SLC2A7: variants seen among roughly 807,000 people sequenced by gnomAD.
SLC2A7 encodes the protein solute carrier family 2, facilitated glucose transporter member 7.
Under a neutral mutation model 50.5 loss-of-function variants are expected in SLC2A7, and 50 were observed. That is an observed-to-expected ratio of 0.99 (90% CI 0.79 to 1.25). SLC2A7 has a LOEUF of 1.25. Ranked by LOEUF, SLC2A7 falls within the 50% of genes most tolerant of loss-of-function variation. SLC2A7 has a pLI of 0.00. For synonymous variants in SLC2A7, 308 were observed against 300.4 expected (o/e 1.03, Z -0.26); for missense variants, 683 against 679.1 (o/e 1.01, Z -0.06).
intron 3 of SLC2A7, among the ~76,000 whole-genome samples, chr1:9,020,567 C>T (rs1041586839): frequency 2.0e-5 from 3 of 150,414 alleles, no homozygotes; most frequent in Non-Finnish European, 3.0e-5. Context: ...CCCACCCCCC[C>T]GCCTTTGGCT....
chr1:9,018,005 A>T (rs1004253356), intron 5 of SLC2A7, among the ~76,000 whole-genome samples: 9 of 151,714 alleles, frequency 5.9e-5, no homozygotes, highest in Non-Finnish European at 1.2e-4. Context: ...CAGAACCCCT[A>T]CCTGCCTCAG....
intron 3 of SLC2A7, among the ~76,000 whole-genome samples, chr1:9,019,940 A>G (rs1293059420): frequency 3.9e-5 from 6 of 152,186 alleles, no homozygotes; most frequent in Admixed American, 2.6e-4. Context: ...AAGAAAAAGA[A>G]AAAGAAAAAA....
At chr1:8,995,317 G>C in the SLC2A7 span, among the ~76,000 whole-genome samples, 689 of 150,546 alleles carry the variant, frequency 4.6e-3, 10 homozygotes, top group African/African-American at 0.016. Flanking sequence ...GCATGGTGGC[G>C]GGCGCCTGTA....
rs1640857674 is a variant in SLC2A7 at position 9,018,168 on chromosome 1, T to C, written c.589+55A>G. On this transcript the variant is annotated intron_variant, in intron 5 of 11. Coordinates refer to ENST00000400906, the MANE Select transcript of SLC2A7 (RefSeq NM_207420.3). ...TCTGACTCGATCCGTCAGTAACACCTGGCACAGCCGAACGAGAGACTGGAC... is the reference window on the plus strand; with the variant it reads ...TCTGACTCGATCCGTCAGTAACACCCGGCACAGCCGAACGAGAGACTGGAC... The C allele has an allele frequency of 8.7e-6, 14 of 1,608,592 alleles. No homozygotes were observed. In the South Asian group the frequency reaches 1.5e-4, roughly 18 times the overall value.
chr1:9,017,783 T>C (rs941491145), intron 5 of SLC2A7, among the ~76,000 whole-genome samples: 1 of 152,180 alleles, frequency 6.6e-6, no homozygotes, highest in Admixed American at 6.5e-5. Context: ...GCAATGGCCT[T>C]GCCTCCTAAT....
At position 9,025,151 on chromosome 1, in the gene SLC2A7, C is replaced by T. The variant is rs915441075; in HGVS notation, c.52-77G>A. 19 of 1,447,926 alleles carry T rather than the reference C, an allele frequency of 1.3e-5. No individual in the cohort carries two copies. The Admixed American group carries it at 3.0e-4, about 22-fold the overall frequency. The allele number at this position is 1,447,926 out of a possible 1,614,324, so 89.7% of individuals were successfully genotyped here. On this transcript the variant is annotated intron_variant, in intron 1 of 11. Coordinates refer to ENST00000400906, the MANE Select transcript of SLC2A7 (RefSeq NM_207420.3). Reference sequence around the variant, plus strand: ...GTGGAGTGGCTGGGCCTCCACCTCCCTCCAGCCTGGGCTGGAAGTGGGGGA... The same window carrying T: ...GTGGAGTGGCTGGGCCTCCACCTCCTTCCAGCCTGGGCTGGAAGTGGGGGA...
chr1:9,007,674 T>C (rs902822865), intron 9 of SLC2A7, among the ~76,000 whole-genome samples: 4 of 152,060 alleles, frequency 2.6e-5, no homozygotes, highest in African/African-American at 9.7e-5. Context: ...ACTTTACAAA[T>C]CACAAATATT....
rs551177989 is a variant in SLC2A7, at chr1:9,003,208, G to A, written c.*92C>T. ...AATGGGGGCAACGACAAAAGCCTCC[G>A]TGCTATTATCCTCCCCAGAGCCTGG... On this transcript the variant is annotated 3_prime_UTR_variant, in exon 12 of 12. Coordinates refer to ENST00000400906, the MANE Select transcript of SLC2A7 (RefSeq NM_207420.3). 18 of 1,156,518 alleles carry A rather than the reference G, an allele frequency of 1.6e-5. No individual in the cohort carries two copies. The highest frequency in any genetic ancestry group is 4.7e-5 in the African/African-American group (3 of 63,660). The allele number at this position is 1,156,518 out of a possible 1,614,324, so 71.6% of individuals were successfully genotyped here. A position where few individuals can be genotyped will look rare whatever the true frequency, so the allele number is the denominator to read the frequency against.
the SLC2A7 span, among the ~76,000 whole-genome samples, chr1:8,994,343 A>G: frequency 1.3e-5 from 2 of 152,204 alleles, no homozygotes; most frequent in East Asian, 1.9e-4. Context: ...GTGTAAGCCA[A>G]GCAAAGTTCA....
intron 8 of SLC2A7, among the ~76,000 whole-genome samples, chr1:9,012,564 G>C (rs779591889): frequency 5.3e-5 from 8 of 152,116 alleles, no homozygotes; most frequent in Non-Finnish European, 1.2e-4. Context: ...AGAGTTTACT[G>C]GAACTTAAAC....
chr1:9,019,471 G>A (rs1259282681), intron 3 of SLC2A7, 138 bp from the exon 4 acceptor site: 2 of 1,252,332 alleles, frequency 1.6e-6, no homozygotes, highest in Middle Eastern at 2.8e-4. Flanking sequence ...AGGGGGCCGT[G>A]GACTGAATGG....
intron 8 of SLC2A7, among the ~76,000 whole-genome samples, chr1:9,011,970 G>A (rs150071319): frequency 2.6e-5 from 4 of 151,788 alleles, no homozygotes; most frequent in East Asian, 3.9e-4. Context: ...GGCTGGTCTC[G>A]AACTCCTGAC....
At position 9,008,536 on chromosome 1, in the gene SLC2A7, C is replaced by T. The variant is rs374437274; in HGVS notation, c.1117-1151G>A. ...CACTGGCGGTGGTCTCTGCAGGTGG[C>T]GCTCAGTCGTGCTCACCTCTTTTCA... is the stretch of plus-strand genomic sequence containing the variant. On this transcript the variant is annotated intron_variant, in intron 9 of 11. Coordinates refer to ENST00000400906, the MANE Select transcript of SLC2A7 (RefSeq NM_207420.3). The surrounding 1 kb of genome is among the most constrained non-coding windows in gnomAD (Gnocchi z 5.9). Among the ~76,000 whole-genome samples the T allele has an allele frequency of 4.0e-5, 6 of 151,734 alleles. No individual in the cohort carries two copies. Among genetic ancestry groups the T allele is most frequent in the South Asian group, 4.1e-4 (2 of 4,824 alleles).
chr1:9,022,053 T>C (rs990478612), intron 3 of SLC2A7, among the ~76,000 whole-genome samples: 3 of 152,262 alleles, frequency 2.0e-5, no homozygotes, highest in Non-Finnish European at 4.4e-5. Flanking sequence ...CGATCAAGTA[T>C]ATGCAAGAAG....
the SLC2A7 span, among the ~76,000 whole-genome samples, chr1:8,996,652 G>A: frequency 1.3e-5 from 2 of 152,172 alleles, no homozygotes; most frequent in African/African-American, 2.4e-5. Flanking sequence ...CCGTGGACCC[G>A]CGTTCCAGTT....
At chr1:9,015,475 T>C (rs1317814388) in intron 5 of SLC2A7, among the ~76,000 whole-genome samples, 2 of 152,206 alleles carry the variant, frequency 1.3e-5, no homozygotes, top group African/African-American at 2.4e-5. Flanking sequence ...CTCTAAAGAA[T>C]AGGCAATGAT....
Position 9,003,129 on chromosome 1 carries a change from T to C in SLC2A7, c.*171A>G, listed in dbSNP as rs1303124991. Among the ~76,000 whole-genome samples the C allele has an allele frequency of 6.6e-6, 1 of 152,184 alleles. No homozygotes were observed. Among genetic ancestry groups the C allele is most frequent in the African/African-American group, 2.4e-5 (1 of 41,438 alleles). The stretch of plus-strand genomic sequence containing the variant: ...TTCCTCAATGGCTAGCCTTGGAACT[T>C]CTCAGCTAAATATGCATTGTTGTGG... On this transcript the variant is annotated 3_prime_UTR_variant, in exon 12 of 12. Coordinates refer to ENST00000400906, the MANE Select transcript of SLC2A7 (RefSeq NM_207420.3).
chr1:9,022,243 G>C (rs1006060055), intron 3 of SLC2A7, among the ~76,000 whole-genome samples: 1 of 152,190 alleles, frequency 6.6e-6, no homozygotes, highest in Non-Finnish European at 1.5e-5. Flanking sequence ...CTGTGAGTCC[G>C]AATGAGTGGG....
the SLC2A7 span, among the ~76,000 whole-genome samples, chr1:8,997,245 G>A: frequency 2.0e-5 from 3 of 152,062 alleles, no homozygotes; most frequent in Non-Finnish European, 4.4e-5. Context: ...GTTTGAGGCT[G>A]CAGTGAGCCA....
Sources: gnomAD v4.1 joint callset for allele counts (sites outside exome capture counted in the v4.1 genomes callset) on GRCh38, gnomAD v4.1.1 for gene constraint, Gnocchi (gnomAD v3.1) non-coding constraint, MANE v1.5 for transcripts, NCBI Gene and HGNC (gene_info 2026-07-23, HGNC 2026-07-21) for gene names.